Variants in TTC28 observed in about 807,000 individuals in gnomAD.
The protein encoded by TTC28 is tetratricopeptide repeat domain 28.
Under a neutral mutation model 198.0 loss-of-function variants are expected in TTC28, and 61 were observed. The ratio of observed to expected loss-of-function variants is 0.31; its 90% CI spans 0.25 to 0.38. TTC28 has a LOEUF of 0.38. TTC28 is among the 10% of genes least tolerant of loss of function. The pLI, the probability that TTC28 is intolerant of heterozygous loss-of-function variation, is 1.00. For missense variants in TTC28, 2,678 were observed against 3,164.0 expected, an observed-to-expected ratio of 0.85 and a Z score of 3.69; for synonymous variants, 1,171 against 1,297.8, an observed-to-expected ratio of 0.90 and a Z score of 2.10.
At chr22:28,140,133 G>A (rs962261084) in intron 6 of TTC28, among the ~76,000 whole-genome samples, 7 of 152,202 alleles carry the variant, frequency 4.6e-5, no homozygotes, top group African/African-American at 1.7e-4. Flanking sequence ...ACTCTCTGCA[G>A]GGTTGTTGTG....
intron 2 of TTC28, among the ~76,000 whole-genome samples, chr22:28,483,730 A>G (rs1387681720): frequency 1.3e-5 from 2 of 152,172 alleles, no homozygotes; most frequent in Non-Finnish European, 2.9e-5. Flanking sequence ...GACTCTATAA[A>G]TCTCAAACCT....
At chr22:28,154,491 C>T (rs1300347105) in intron 6 of TTC28, among the ~76,000 whole-genome samples, 1 of 151,986 alleles carries the variant, frequency 6.6e-6, no homozygotes, top group Non-Finnish European at 1.5e-5. Flanking sequence ...GCTGGGACTA[C>T]AGGCGCCTGC....
At chr22:28,519,528 C>T (rs185400679) in intron 2 of TTC28, among the ~76,000 whole-genome samples, 179 of 152,244 alleles carry the variant, frequency 1.2e-3, no homozygotes, top group African/African-American at 4.0e-3. Flanking sequence ...AAATAACTTG[C>T]GGACATCACG....
chr22:28,486,436 C>A (rs1051357741), intron 2 of TTC28, among the ~76,000 whole-genome samples: 1 of 152,152 alleles, frequency 6.6e-6, no homozygotes, highest in Non-Finnish European at 1.5e-5. Context: ...AAACAAATAA[C>A]TCTGTAATTC....
intron 2 of TTC28, among the ~76,000 whole-genome samples, chr22:28,410,644 G>A (rs2047066771): frequency 6.6e-6 from 1 of 152,160 alleles, no homozygotes; most frequent in South Asian, 2.1e-4. Flanking sequence ...TTCAAAAAGG[G>A]GGAATAGCCA....
At chr22:28,458,827 G>A (rs2047904403) in intron 2 of TTC28, among the ~76,000 whole-genome samples, 1 of 150,700 alleles carries the variant, frequency 6.6e-6, no homozygotes, top group Non-Finnish European at 1.5e-5. Context: ...CTTTCAGTGA[G>A]CCAAGATCAT....
intron 2 of TTC28, among the ~76,000 whole-genome samples, chr22:28,335,793 A>G (rs534197468): frequency 6.6e-6 from 1 of 152,178 alleles, no homozygotes; most frequent in African/African-American, 2.4e-5. Context: ...AACAGGGACA[A>G]TTTGACTTCC....
chr22:28,413,221 G>A (rs2047111629), intron 2 of TTC28, among the ~76,000 whole-genome samples: 1 of 152,046 alleles, frequency 6.6e-6, no homozygotes, highest in Non-Finnish European at 1.5e-5. Context: ...GGATGACGAG[G>A]TCAAGAGATC....
chr22:28,424,493 T>G (rs1247699183), intron 2 of TTC28, among the ~76,000 whole-genome samples: 1 of 152,236 alleles, frequency 6.6e-6, no homozygotes, highest in Non-Finnish European at 1.5e-5. Flanking sequence ...CTAACTATAC[T>G]CTGACAGAGA....
chr22:28,474,969 G>T (rs1162147553), intron 2 of TTC28, among the ~76,000 whole-genome samples: 7 of 151,780 alleles, frequency 4.6e-5, no homozygotes, highest in African/African-American at 7.3e-5. Context: ...GATAATAAGA[G>T]AATCATGTTT....
intron 2 of TTC28, among the ~76,000 whole-genome samples, chr22:28,350,452 G>A (rs1334764779): frequency 3.3e-5 from 5 of 152,082 alleles, no homozygotes; most frequent in Admixed American, 6.5e-5. Context: ...CCTAAAATTT[G>A]CTTTGGGGTC....
chr22:28,672,488 G>A (rs943721071), intron 1 of TTC28, among the ~76,000 whole-genome samples: 1 of 151,920 alleles, frequency 6.6e-6, no homozygotes, highest in Non-Finnish European at 1.5e-5. Context: ...TTTTATTAGA[G>A]ACATGGTTTC....
intron 2 of TTC28, among the ~76,000 whole-genome samples, chr22:28,404,739 A>G (rs991744474): frequency 6.6e-6 from 1 of 152,294 alleles, no homozygotes; most frequent in East Asian, 1.9e-4. Flanking sequence ...CAAAGTCTCA[A>G]CTGTTCATTT....
At chr22:28,291,130 A>G (rs1054423185) in intron 5 of TTC28, among the ~76,000 whole-genome samples, 7 of 152,166 alleles carry the variant, frequency 4.6e-5, no homozygotes, top group African/African-American at 7.2e-5. Context: ...AGACACCCCA[A>G]TGAATGATTC....
intron 2 of TTC28, among the ~76,000 whole-genome samples, chr22:28,435,492 A>G (rs767624059): frequency 3.9e-5 from 6 of 152,238 alleles, no homozygotes; most frequent in Admixed American, 6.5e-5. Flanking sequence ...TGAGACATAC[A>G]TTGTTATTAA....
At chr22:28,227,681 C>G (rs1246388918) in intron 5 of TTC28, among the ~76,000 whole-genome samples, 1 of 150,446 alleles carries the variant, frequency 6.6e-6, no homozygotes, top group South Asian at 2.1e-4. Flanking sequence ...ACTTCGCACT[C>G]ATTAGGATGT....
At chr22:28,240,993 A>G (rs945163561) in intron 5 of TTC28, among the ~76,000 whole-genome samples, 2 of 152,198 alleles carry the variant, frequency 1.3e-5, no homozygotes, top group African/African-American at 4.8e-5. Flanking sequence ...TAAAACATCA[A>G]TATAGAAGGA....
Position 28,337,975 on chromosome 22 carries a change from G to C in TTC28, c.382-31332C>G, listed in dbSNP as rs1205039791. Among the ~76,000 whole-genome samples the C allele has an allele frequency of 2.6e-5, 4 of 152,202 alleles. No individual in the cohort carries two copies. In the East Asian group the frequency reaches 5.8e-4, roughly 22 times the overall value. On this transcript the variant is annotated intron_variant, in intron 2 of 22. Coordinates refer to ENST00000397906, the MANE Select transcript of TTC28 (RefSeq NM_001145418.2). The stretch of plus-strand genomic sequence containing the variant: ...ATTTGGCATGTTTTTGCAGTGGCTG[G>C]TACCGGTTGTTCCTTTCCATGTTTA...
chr22:27,982,108 C>T lies in TTC28; in HGVS notation c.*113G>A. On this transcript the variant is annotated 3_prime_UTR_variant, in exon 23 of 23. Transcript: ENST00000397906. This position sits in a 1 kb window ranked among gnomAD's most constrained non-coding sequence, Gnocchi z 5.2. ...GGTGGTGCCCCTCGCCTGCAGAGCA[C>T]AGCATCATGAGGGTGCTGGTGGCTG... 1 of 1,156,176 alleles carries T rather than the reference C, an allele frequency of 8.6e-7. No homozygotes were observed. The allele number at this position is 1,156,176 out of a possible 1,614,324, so 71.6% of individuals were successfully genotyped here. A position where few individuals can be genotyped will look rare whatever the true frequency, so the allele number is the denominator to read the frequency against.
Sources: allele counts gnomAD v4.1 joint callset (sites outside exome capture counted in the v4.1 genomes callset), GRCh38; gene constraint gnomAD v4.1.1; non-coding constraint Gnocchi (gnomAD v3.1); transcripts MANE v1.5; gene names NCBI Gene and HGNC (gene_info 2026-07-23, HGNC 2026-07-21).